UNC5D: variants seen among roughly 807,000 people sequenced by gnomAD.
UNC5D encodes the protein unc-5 netrin receptor D, also known as netrin receptor UNC5D.
A neutral mutation model predicts 105.4 loss-of-function variants in UNC5D; 39 were observed. That is an observed-to-expected ratio of 0.37 (90% CI 0.29 to 0.48). The LOEUF (loss-of-function observed/expected upper bound fraction) is 0.48, where lower values mean the gene tolerates loss of function less well. Among genes scored for constraint, UNC5D ranks in the 20% least tolerant of loss-of-function variants. UNC5D has a pLI of 0.98. For missense variants in UNC5D, 991 were observed against 1,202.4 expected, an observed-to-expected ratio of 0.82 and a Z score of 2.60; for synonymous variants, 452 against 450.4, an observed-to-expected ratio of 1.00 and a Z score of -0.04.
chr8:35,472,586 T>C (rs1179531462), intron 1 of UNC5D, among the ~76,000 whole-genome samples: 2 of 151,982 alleles, frequency 1.3e-5, no homozygotes, highest in Non-Finnish European at 2.9e-5. Context: ...ATATGGGAAA[T>C]AGAGACCATT....
At chr8:35,737,277 TG>T (rs1309662146) in intron 11 of UNC5D, among the ~76,000 whole-genome samples, 31 of 149,030 alleles carry the variant, frequency 2.1e-4, no homozygotes, top group African/African-American at 3.8e-4. Context: ...TGTGTGTGTG[TG>T]TGTGTGTGTG....
At chr8:35,302,829 A>G (rs1808061793) in intron 1 of UNC5D, among the ~76,000 whole-genome samples, 1 of 152,182 alleles carries the variant, frequency 6.6e-6, no homozygotes, top group Non-Finnish European at 1.5e-5. Context: ...AGTGACCACT[A>G]ATACTTTATA....
chr8:35,453,109 T>C (rs1228314419), intron 1 of UNC5D, among the ~76,000 whole-genome samples: 1 of 152,170 alleles, frequency 6.6e-6, no homozygotes, highest in African/African-American at 2.4e-5. Context: ...CCCAATATCT[T>C]CACTGGAAAG....
At chr8:35,612,627 G>T (rs535245223) in intron 4 of UNC5D, among the ~76,000 whole-genome samples, 2 of 150,732 alleles carry the variant, frequency 1.3e-5, no homozygotes, top group African/African-American at 2.4e-5. Flanking sequence ...GAGAATCAAA[G>T]GTTCTTAAAG....
At chr8:35,364,582 T>G (rs190816661) in intron 1 of UNC5D, among the ~76,000 whole-genome samples, 1 of 152,186 alleles carries the variant, frequency 6.6e-6, no homozygotes, top group South Asian at 2.1e-4. Flanking sequence ...CATGTTATTG[T>G]TATTGGAGTA....
At chr8:35,271,719 A>AGGTATACATATATATGTATACC (rs1805395276) in intron 1 of UNC5D, among the ~76,000 whole-genome samples, 8 of 48,184 alleles carry the variant, frequency 1.7e-4, no homozygotes, top group African/African-American at 7.8e-4. Context: ...ATATTTATAC[A>AGGTATACATATATATGTATACC]TGTATACATG....
intron 13 of UNC5D, among the ~76,000 whole-genome samples, chr8:35,756,082 T>C (rs1171067669): frequency 6.6e-6 from 1 of 152,216 alleles, no homozygotes; most frequent in Non-Finnish European, 1.5e-5. Flanking sequence ...CAGGAGTCTA[T>C]TTATTTAACT....
At position 35,273,682 on chromosome 8, in the gene UNC5D, G is replaced by A. The variant is rs147072479; in HGVS notation, c.103+37795G>A. Among the ~76,000 whole-genome samples the A allele has an allele frequency of 2.6e-3, 403 of 152,288 alleles. 2 individuals carry two copies. The highest frequency in any genetic ancestry group is 8.5e-3 in the African/African-American group (353 of 41,562). The stretch of plus-strand genomic sequence containing the variant: ...AAAAGATACTCATTTTAATTTCAGT[G>A]TTTTAGTCTCATATCATAACCACTC... On this transcript the variant is annotated intron_variant, in intron 1 of 16. Coordinates refer to ENST00000404895, the MANE Select transcript of UNC5D (RefSeq NM_080872.4).
At chr8:35,761,787 C>T (rs577253625) in intron 14 of UNC5D, among the ~76,000 whole-genome samples, 1 of 152,070 alleles carries the variant, frequency 6.6e-6, no homozygotes, top group Admixed American at 6.6e-5. Flanking sequence ...TGTGTGAATG[C>T]ATATTGTGCT....
At chr8:35,368,318 G>A (rs867609632) in intron 1 of UNC5D, among the ~76,000 whole-genome samples, 14 of 151,812 alleles carry the variant, frequency 9.2e-5, no homozygotes, top group African/African-American at 3.4e-4. Flanking sequence ...GCCACCCCCC[G>A]ACACATGTGC....
At chr8:35,490,309 T>C (rs916821130) in intron 1 of UNC5D, among the ~76,000 whole-genome samples, 12 of 152,088 alleles carry the variant, frequency 7.9e-5, no homozygotes, top group African/African-American at 2.9e-4. Flanking sequence ...TCGAGACCAG[T>C]CTGGGCAACA....
chr8:35,617,088 C>T (rs1030523533), intron 4 of UNC5D, among the ~76,000 whole-genome samples: 13 of 152,132 alleles, frequency 8.5e-5, no homozygotes, highest in African/African-American at 3.1e-4. Context: ...CCACACACCA[C>T]CCCGATTCAC....
intron 1 of UNC5D, among the ~76,000 whole-genome samples, chr8:35,250,206 C>G (rs957499147): frequency 2.0e-5 from 3 of 152,082 alleles, no homozygotes; most frequent in African/African-American, 7.2e-5. Context: ...GATGCCAAGG[C>G]ATTGATCTCA....
At chr8:35,398,135 C>G (rs1035791311) in intron 1 of UNC5D, among the ~76,000 whole-genome samples, 1 of 152,126 alleles carries the variant, frequency 6.6e-6, no homozygotes, top group African/African-American at 2.4e-5. Context: ...GATAGAGAAT[C>G]ACATAATTTA....
chr8:35,569,098 A>G (rs1586153264), intron 3 of UNC5D, among the ~76,000 whole-genome samples: 2 of 152,130 alleles, frequency 1.3e-5, no homozygotes, highest in African/African-American at 4.8e-5. Context: ...TATGAAAGAA[A>G]GAAAATTGCT....
chr8:35,365,907 T>G (rs906458076), intron 1 of UNC5D, among the ~76,000 whole-genome samples: 1 of 152,180 alleles, frequency 6.6e-6, no homozygotes, highest in African/African-American at 2.4e-5. Context: ...TGGTTTACAT[T>G]AACTAGGCAA....
In UNC5D at chr8:35,239,651, C is replaced by T. The variant is rs183032783; in HGVS notation, c.103+3764C>T. 2.0e-5 allele frequency among the ~76,000 whole-genome samples: 3 copies of T among 152,160 alleles called. No homozygotes were observed. The East Asian group carries it at 5.8e-4, about 30-fold the overall frequency. Reference sequence around the variant, plus strand: ...GAAGGCACATGTGTTCACAGGGAGCCCAGATGTGCCCTCCTTCTTGATTAC... The same window carrying T: ...GAAGGCACATGTGTTCACAGGGAGCTCAGATGTGCCCTCCTTCTTGATTAC... On this transcript the variant is annotated intron_variant, in intron 1 of 16. Coordinates refer to ENST00000404895, the MANE Select transcript of UNC5D (RefSeq NM_080872.4).
chr8:35,763,493 T>C (rs1801636906), intron 14 of UNC5D, among the ~76,000 whole-genome samples: 1 of 146,632 alleles, frequency 6.8e-6, no homozygotes, highest in South Asian at 2.2e-4. Context: ...AAGATTCAAA[T>C]CAAATTGCAG....
rs74547383 is a variant in UNC5D at position 35,679,321 on chromosome 8, A to G, written c.571-4226A>G. Reference sequence around the variant, plus strand: ...GAAAAAGCAGGAAGGGGTGGGGTTTACTATTTTTGAAAGGGTTGTTAGGTA... The same window carrying G: ...GAAAAAGCAGGAAGGGGTGGGGTTTGCTATTTTTGAAAGGGTTGTTAGGTA... On this transcript the variant is annotated intron_variant, in intron 4 of 16. Transcript: ENST00000404895. 2.0e-3 allele frequency among the ~76,000 whole-genome samples: 304 copies of G among 152,240 alleles called. 2 individuals carry two copies. The highest frequency in any genetic ancestry group is 6.9e-3 in the African/African-American group (285 of 41,544).
Sources: allele counts gnomAD v4.1 joint callset (sites outside exome capture counted in the v4.1 genomes callset), GRCh38; gene constraint gnomAD v4.1.1; transcripts MANE v1.5; gene names NCBI Gene and HGNC (gene_info 2026-07-23, HGNC 2026-07-21).